Variants in PTPN14 observed in about 807,000 individuals in gnomAD.
PTPN14 encodes the protein tyrosine-protein phosphatase non-receptor type 14.
In PTPN14, 53 loss-of-function variants were observed where a neutral mutation model predicts 126.8. The ratio of observed to expected loss-of-function variants is 0.42; its 90% CI spans 0.34 to 0.53. The LOEUF is 0.53. PTPN14 is among the 20% of genes least tolerant of loss of function. The pLI, the probability that PTPN14 is intolerant of heterozygous loss-of-function variation, is 0.08. For missense variants in PTPN14, 1,257 were observed against 1,552.9 expected (o/e 0.81, Z 3.20); for synonymous variants, 630 against 599.3 (o/e 1.05, Z -0.75).
In PTPN14 at chr1:214,383,999, T is replaced by C. The variant is rs1387553674; in HGVS notation, c.1856A>G (p.Gln619Arg). 12 of 1,608,494 alleles carry C rather than the reference T, an allele frequency of 7.5e-6. No homozygotes were observed. Among genetic ancestry groups the C allele is most frequent in the African/African-American group, 1.3e-5 (1 of 74,874 alleles). ...FQEDSSPVVH[Q>R]SLQEVSEPLT... Reference sequence around the variant, plus strand: ...GGGCTCGCTCACCTCCTGGAGAGACTGATGAACCACCGGAGAGCTGTCCTC... The same window carrying C: ...GGGCTCGCTCACCTCCTGGAGAGACCGATGAACCACCGGAGAGCTGTCCTC... Residue 619 changes from glutamine to arginine, a missense_variant, in exon 13 of 19, where the codon CAG (glutamine) becomes CGG (arginine). Around this residue, in one of 3 missense-constraint regions of PTPN14, gnomAD observed 1,021 missense variants for 1,183.3 expected, o/e 0.86. Transcript: ENST00000366956. The surrounding 1 kb of genome is among the most constrained non-coding windows in gnomAD (Gnocchi z 4.4).
At chr1:214,546,593 C>T (rs745672686) in intron 1 of PTPN14, among the ~76,000 whole-genome samples, 1 of 152,098 alleles carries the variant, frequency 6.6e-6, no homozygotes, top group African/African-American at 2.4e-5. Flanking sequence ...ACAATCTAAA[C>T]GTGAAGAGGA....
At chr1:214,414,522 T>C in intron 4 of PTPN14, 107 bp downstream of exon 4, 1 of 1,007,852 alleles carries the variant, frequency 9.9e-7, no homozygotes, top group Non-Finnish European at 1.5e-6. Context: ...AAGGGAGCAT[T>C]ACTAAGGGAT....
Position 214,534,747 on chromosome 1 carries a change from G to A in PTPN14, c.-155+16436C>T, listed in dbSNP as rs1278498871. 1.3e-4 allele frequency among the ~76,000 whole-genome samples: 5 copies of A among 39,964 alleles called. No homozygotes were observed. In the South Asian group the frequency reaches 2.8e-3, roughly 23 times the overall value. The allele number at this position is 39,964 out of a possible 152,430, so 26.2% of individuals were successfully genotyped here. On this transcript the variant is annotated intron_variant, in intron 1 of 18. Transcript: ENST00000366956. Reference sequence around the variant, plus strand: ...ATAAATAAATAAATAAATAAAAGACGGAATTATTGATCCCGAATCTTTGCT... The same window carrying A: ...ATAAATAAATAAATAAATAAAAGACAGAATTATTGATCCCGAATCTTTGCT...
chr1:214,390,914 TCCC>T, intron 11 of PTPN14, 71 bp downstream of exon 11: 1 of 1,256,534 alleles, frequency 8.0e-7, no homozygotes, highest in Non-Finnish European at 1.1e-6. Context: ...GCCCTCATCA[TCCC>T]CCCACCTCAA....
intron 11 of PTPN14, among the ~76,000 whole-genome samples, chr1:214,388,052 A>C (rs575716899): frequency 6.6e-6 from 1 of 152,322 alleles, no homozygotes; most frequent in African/African-American, 2.4e-5. Flanking sequence ...ATTTAGACTG[A>C]ACCTGAATAA....
intron 3 of PTPN14, among the ~76,000 whole-genome samples, chr1:214,429,985 G>C (rs896543217): frequency 2.6e-5 from 4 of 152,184 alleles, no homozygotes; most frequent in Non-Finnish European, 5.9e-5. Context: ...TTAGTTTCAA[G>C]ATACAGAAGG....
At chr1:214,410,305 T>A (rs1208983609) in intron 5 of PTPN14, among the ~76,000 whole-genome samples, 4 of 151,664 alleles carry the variant, frequency 2.6e-5, no homozygotes, top group African/African-American at 9.7e-5. Context: ...TTTTTCTTTT[T>A]TTTTTTTTGA....
chr1:214,430,074 A>C (rs1230370160), intron 3 of PTPN14, among the ~76,000 whole-genome samples: 1 of 152,206 alleles, frequency 6.6e-6, no homozygotes, highest in Non-Finnish European at 1.5e-5. Flanking sequence ...CTGAAATATA[A>C]ATCCAGGGCT....
chr1:214,436,555 GGGA>G (rs1659920623), intron 3 of PTPN14, among the ~76,000 whole-genome samples: 1 of 152,250 alleles, frequency 6.6e-6, no homozygotes, highest in South Asian at 2.1e-4. Flanking sequence ...CCAGCACTTT[GGGA>G]GGCTGAGGCG....
At chr1:214,481,644 G>C (rs1228445620) in intron 1 of PTPN14, among the ~76,000 whole-genome samples, 1 of 151,764 alleles carries the variant, frequency 6.6e-6, no homozygotes, top group Admixed American at 6.6e-5. Flanking sequence ...GAGTACTGCT[G>C]CTCTGAAGTA....
At chr1:214,449,846 T>A (rs201873060) in intron 3 of PTPN14, among the ~76,000 whole-genome samples, 19 of 146,600 alleles carry the variant, frequency 1.3e-4, no homozygotes, top group South Asian at 4.3e-4. Context: ...AAAATAAAAA[T>A]AAAAAAAAAA....
chr1:214,490,876 AGGGG>A (rs1661219456), intron 1 of PTPN14, among the ~76,000 whole-genome samples: 1 of 7,630 alleles, frequency 1.3e-4, no homozygotes. Flanking sequence ...AGGGGAGGGG[AGGGG>A]AGGGAAGGGG....
chr1:214,499,099 C>A (rs1329202073), intron 1 of PTPN14, among the ~76,000 whole-genome samples: 1 of 152,130 alleles, frequency 6.6e-6, no homozygotes, highest in Non-Finnish European at 1.5e-5. Context: ...GCCATCACAC[C>A]TGGCGGCCCA....
intron 1 of PTPN14, among the ~76,000 whole-genome samples, chr1:214,541,474 G>C (rs1269776424): frequency 6.6e-6 from 1 of 152,168 alleles, no homozygotes; most frequent in East Asian, 1.9e-4. Context: ...CTGAGTATGA[G>C]AGATTGAGAG....
intron 1 of PTPN14, among the ~76,000 whole-genome samples, chr1:214,538,151 G>A (rs149456551): frequency 2.0e-4 from 31 of 152,066 alleles, no homozygotes; most frequent in South Asian, 6.2e-4. Context: ...CTCCACTTTC[G>A]AAAACATCAA....
intron 3 of PTPN14, among the ~76,000 whole-genome samples, chr1:214,448,316 C>T (rs958839782): frequency 1.3e-5 from 2 of 152,030 alleles, no homozygotes; most frequent in African/African-American, 2.4e-5. Context: ...CTGCAAGCTC[C>T]GCCTCCCAGG....
intron 3 of PTPN14, among the ~76,000 whole-genome samples, chr1:214,448,495 C>G (rs1172414724): frequency 6.6e-6 from 1 of 151,736 alleles, no homozygotes; most frequent in Admixed American, 6.6e-5. Flanking sequence ...CCGCCCGCCT[C>G]GGTCTCCCAA....
At chr1:214,449,024 T>TTTTTTTTTTTTTTTTTG (rs1553267715) in intron 3 of PTPN14, among the ~76,000 whole-genome samples, 2 of 141,832 alleles carry the variant, frequency 1.4e-5, no homozygotes, top group African/African-American at 2.7e-5. Flanking sequence ...TTTTTTTTTT[T>TTTTTTTTTTTTTTTTTG]GAGACGGAGT....
chr1:214,392,859 C>T (rs2102551849), intron 10 of PTPN14, among the ~76,000 whole-genome samples: 1 of 152,356 alleles, frequency 6.6e-6, no homozygotes, highest in Admixed American at 6.5e-5. Context: ...CCGCGTTCTT[C>T]AGCAGGAACT....
Sources: allele counts gnomAD v4.1 joint callset (sites outside exome capture counted in the v4.1 genomes callset), GRCh38; gene constraint gnomAD v4.1.1; regional missense constraint gnomAD v4.1.1; non-coding constraint Gnocchi (gnomAD v3.1); transcripts MANE v1.5; gene names NCBI Gene and HGNC (gene_info 2026-07-23, HGNC 2026-07-21).